The following SLC2A9 variants were observed in gnomAD, a reference collection of about 807,000 sequenced individuals.
SLC2A9 encodes solute carrier family 2, facilitated glucose transporter member 9.
In SLC2A9, 39 loss-of-function variants were observed where a neutral mutation model predicts 50.6. The observed-to-expected ratio is 0.77, with a 90% confidence interval of 0.60 to 1.01. The LOEUF (loss-of-function observed/expected upper bound fraction) is 1.01, where lower values mean the gene tolerates loss of function less well. SLC2A9 is among the 50% of genes least tolerant of loss of function. SLC2A9 has a pLI of 0.00. For synonymous variants in SLC2A9, 324 were observed against 276.9 expected (o/e 1.17, Z -1.69); for missense variants, 686 against 677.6 (o/e 1.01, Z -0.14).
intron 1 of SLC2A9, among the ~76,000 whole-genome samples, chr4:10,029,538 A>T (rs2109588499): frequency 8.6e-6 from 1 of 116,284 alleles, no homozygotes; most frequent in South Asian, 2.9e-4. Flanking sequence ...GGACAAGAGG[A>T]ATTTTTTAAA....
intron 9 of SLC2A9, among the ~76,000 whole-genome samples, chr4:9,889,468 T>C (rs1736944654): frequency 6.6e-6 from 1 of 152,208 alleles, no homozygotes; most frequent in African/African-American, 2.4e-5. Flanking sequence ...CCTGAGAACT[T>C]TGAAGGACTG....
chr4:9,866,685 G>A (rs943160678), intron 10 of SLC2A9, among the ~76,000 whole-genome samples: 1 of 152,128 alleles, frequency 6.6e-6, no homozygotes, highest in East Asian at 1.9e-4. Context: ...CCTAAGGCAG[G>A]AGCTGTGAGG....
chr4:10,018,845 T>A (rs1297725319), intron 2 of SLC2A9, 130 bp downstream of exon 2: 1 of 841,746 alleles, frequency 1.2e-6, no homozygotes, highest in Non-Finnish European at 1.9e-6. Context: ...GAGTGGGGGC[T>A]AATCTCTGTC....
intron 7 of SLC2A9, among the ~76,000 whole-genome samples, chr4:9,911,690 ATC>A (rs1224855431): frequency 1.3e-5 from 2 of 152,218 alleles, no homozygotes; most frequent in Middle Eastern, 3.2e-3. Flanking sequence ...GCATCTCGGA[ATC>A]TCTGTTCTCC....
chr4:9,788,635 C>T (rs1236063336), intron 3 of SLC2A9, among the ~76,000 whole-genome samples: 2 of 152,166 alleles, frequency 1.3e-5, no homozygotes, highest in Non-Finnish European at 2.9e-5. Flanking sequence ...AGGGGCAACA[C>T]TCAGAACACT....
intron 5 of SLC2A9, among the ~76,000 whole-genome samples, chr4:9,946,077 G>A (rs1749088931): frequency 6.6e-6 from 1 of 152,160 alleles, no homozygotes; most frequent in African/African-American, 2.4e-5. Context: ...TGTGGTGTCG[G>A]TCCAGCCTGC....
chr4:9,915,332 G>A (rs1028090444), intron 7 of SLC2A9, among the ~76,000 whole-genome samples: 2 of 152,200 alleles, frequency 1.3e-5, no homozygotes, highest in African/African-American at 4.8e-5. Context: ...CTGCCTCCTG[G>A]GTTCAAGTGA....
At chr4:9,904,714 T>C (rs1009007321) in intron 8 of SLC2A9, among the ~76,000 whole-genome samples, 1 of 152,192 alleles carries the variant, frequency 6.6e-6, no homozygotes, top group Non-Finnish European at 1.5e-5. Context: ...AGCTGGTAAA[T>C]GGGTGATCAG....
chr4:10,038,114 C>T (rs1412695331), intron 1 of SLC2A9, among the ~76,000 whole-genome samples: 2 of 152,144 alleles, frequency 1.3e-5, no homozygotes, highest in Admixed American at 1.3e-4. Flanking sequence ...GGGCCTCTTT[C>T]TTGCTTTGAT....
chr4:9,953,811 G>C (rs572162272), intron 5 of SLC2A9, among the ~76,000 whole-genome samples: 1 of 151,926 alleles, frequency 6.6e-6, no homozygotes, highest in Non-Finnish European at 1.5e-5. Flanking sequence ...TTGTTTGTTT[G>C]TTTGCTTGTT....
intron 8 of SLC2A9, among the ~76,000 whole-genome samples, chr4:9,903,467 A>G (rs1378064017): frequency 6.6e-6 from 1 of 152,120 alleles, no homozygotes; most frequent in Non-Finnish European, 1.5e-5. Context: ...TTCACTCATC[A>G]GAGAGTTAAC....
At chr4:9,847,549 A>T (rs894710448) in intron 10 of SLC2A9, among the ~76,000 whole-genome samples, 1 of 152,190 alleles carries the variant, frequency 6.6e-6, no homozygotes, top group Non-Finnish European at 1.5e-5. Context: ...TCTGCCTGTC[A>T]TTAATCCCCT....
At chr4:9,900,405 T>A (rs1739384772) in intron 8 of SLC2A9, among the ~76,000 whole-genome samples, 1 of 152,014 alleles carries the variant, frequency 6.6e-6, no homozygotes, top group African/African-American at 2.4e-5. Context: ...GGAACGGACT[T>A]GTGGGTATGT....
At chr4:9,877,462 T>C (rs1734489200) in intron 10 of SLC2A9, among the ~76,000 whole-genome samples, 1 of 152,216 alleles carries the variant, frequency 6.6e-6, no homozygotes, top group African/African-American at 2.4e-5. Context: ...TTTGAGATCA[T>C]GGATTCAACC....
At chr4:9,980,211 C>T (rs1027482538) in intron 5 of SLC2A9, among the ~76,000 whole-genome samples, 1 of 152,044 alleles carries the variant, frequency 6.6e-6, no homozygotes, top group Admixed American at 6.6e-5. Flanking sequence ...TGAAAAGATG[C>T]CCAAAATATA....
chr4:9,973,717 G>A (rs1163584336), intron 5 of SLC2A9, among the ~76,000 whole-genome samples: 1 of 107,836 alleles, frequency 9.3e-6, no homozygotes, highest in African/African-American at 3.6e-5. Context: ...GTTGTGGGGT[G>A]GGGGGAGGGG....
chr4:9,821,863 G>A (rs1453486922), downstream of SLC2A9, among the ~76,000 whole-genome samples: 1 of 152,130 alleles, frequency 6.6e-6, no homozygotes. Flanking sequence ...TGTGGACCTG[G>A]AATTTCCTTT....
intron 10 of SLC2A9, among the ~76,000 whole-genome samples, chr4:9,886,313 C>A (rs754221791): frequency 6.6e-6 from 1 of 152,208 alleles, no homozygotes; most frequent in Non-Finnish European, 1.5e-5. Context: ...TTACTCCTCG[C>A]GTCCACTGTA....
intron 5 of SLC2A9, among the ~76,000 whole-genome samples, chr4:9,962,455 A>G (rs1242731338): frequency 6.6e-6 from 1 of 152,192 alleles, no homozygotes; most frequent in Non-Finnish European, 1.5e-5. Context: ...TCCTCAGCAA[A>G]CTAACACAGA....
Sources: allele counts gnomAD v4.1 joint callset (sites outside exome capture counted in the v4.1 genomes callset), GRCh38; gene constraint gnomAD v4.1.1; transcripts MANE v1.5; gene names NCBI Gene and HGNC (gene_info 2026-07-23, HGNC 2026-07-21).